The following JADE2 variants were observed in gnomAD, a reference collection of about 807,000 sequenced individuals.
JADE2 encodes jade family PHD finger 2.
A neutral mutation model predicts 85.7 loss-of-function variants in JADE2; 13 were observed. The observed-to-expected ratio is 0.15, with a 90% CI of 0.10 to 0.24. JADE2 has a LOEUF of 0.24. JADE2 is among the 10% of genes least tolerant of loss of function. The probability of loss-of-function intolerance (pLI) is 1.00; values close to 1 mark genes in which losing one functional copy is unlikely to be tolerated. For missense variants in JADE2, 846 were observed against 1,115.9 expected, an observed-to-expected ratio of 0.76 and a Z score of 3.45; for synonymous variants, 440 against 456.1, an observed-to-expected ratio of 0.96 and a Z score of 0.45.
At chr5:134,526,780 C>T in intron 1 of JADE2, 1 of 984,846 alleles carries the variant, frequency 1.0e-6, no homozygotes, top group African/African-American at 1.7e-5. Context: ...GGGTGCGGAG[C>T]CTCGGCGCCA....
intron 1 of JADE2, chr5:134,526,644 C>T (rs1760841364): frequency 1.0e-6 from 1 of 985,506 alleles, no homozygotes; most frequent in South Asian, 4.7e-5. Flanking sequence ...CGCCCCCTCT[C>T]CCGGCCCGGT....
chr5:134,573,912 T>A, intron 10 of JADE2, 150 bp downstream of exon 10: 1 of 731,348 alleles, frequency 1.4e-6, no homozygotes, highest in Non-Finnish European at 2.5e-6. Flanking sequence ...CACCATCCAA[T>A]TAGTAGGCCC....
intron 9 of JADE2, among the ~76,000 whole-genome samples, chr5:134,567,139 G>A (rs1763692932): frequency 6.6e-6 from 1 of 152,214 alleles, no homozygotes; most frequent in African/African-American, 2.4e-5. Flanking sequence ...CAGAACAGAG[G>A]CACGAAGGAG....
chr5:134,580,425 T>A lies in JADE2; in HGVS notation c.*1108T>A, dbSNP rs1431255705. The A allele has an allele frequency of 1.4e-5, 1 of 72,080 alleles. No homozygotes were observed. 4.5% of individuals were successfully genotyped at this position (72,080 alleles called of 1,614,324 possible). On this transcript the variant is annotated 3_prime_UTR_variant, in exon 12 of 12. Coordinates refer to ENST00000681547, the MANE Select transcript of JADE2 (RefSeq NM_001388185.1). ...TGAGCCTTAACCCCTCGCACAGCCA[T>A]CCCCCCCCCCGTCCTGCCATCCCCC...
rs765659477 is a variant in JADE2 at position 134,538,068 on chromosome 5, A to G, written c.138A>G (p.Glu46=). 8 of 1,614,008 alleles carry G rather than the reference A, an allele frequency of 5.0e-6. No homozygotes were observed. The highest frequency in any genetic ancestry group is 6.8e-6 in the Non-Finnish European group (8 of 1,179,876). Reference sequence around the variant, plus strand: ...AGTCGGGCTGGCCCCGACAGAACGAAAAGAAGCCCTCCGAGGTGGGTAGTG... The same window carrying G: ...AGTCGGGCTGGCCCCGACAGAACGAGAAGAAGCCCTCCGAGGTGGGTAGTG... The part of the protein sequence containing the change: ...STKSGWPRQN[E]KKPSEVFRTD... The change falls in exon 3 of 12, where the codon GAA becomes GAG. Residue 46 remains glutamate, a synonymous_variant. Transcript: ENST00000681547.
chr5:134,545,317 T>C (rs1272009020), intron 3 of JADE2, among the ~76,000 whole-genome samples: 1 of 152,216 alleles, frequency 6.6e-6, no homozygotes, highest in East Asian at 1.9e-4. Context: ...CTCTGGGACT[T>C]GTCTTGCAAA....
rs149662336 is a variant in JADE2, at chr5:134,568,280, G to C, written c.1434+1700G>C. Among the ~76,000 whole-genome samples, 3 of 152,348 alleles carry C rather than the reference G, an allele frequency of 2.0e-5. No individual in the cohort carries two copies. The East Asian group carries it at 5.8e-4, about 29-fold the overall frequency. On this transcript the variant is annotated intron_variant, in intron 9 of 11. Coordinates refer to ENST00000681547, the MANE Select transcript of JADE2 (RefSeq NM_001388185.1). Reference sequence around the variant, plus strand: ...GAGAGACGAATAACAGGAAGTCTTAGAGGAACTCCATTCCAAGGGTTTTGA... The same window carrying C: ...GAGAGACGAATAACAGGAAGTCTTACAGGAACTCCATTCCAAGGGTTTTGA...
chr5:134,572,017 G>T (rs1388416011), intron 9 of JADE2, among the ~76,000 whole-genome samples: 3 of 152,244 alleles, frequency 2.0e-5, no homozygotes, highest in African/African-American at 4.8e-5. Flanking sequence ...AGAAGAAAGG[G>T]GCCCCAGCGG....
chr5:134,578,571 G>C lies in JADE2; in HGVS notation c.1759G>C (p.Glu587Gln). 6.2e-7 allele frequency: 1 copy of C among 1,613,964 alleles called. No individual in the cohort carries two copies. ...GGCACAGTCGGTGCAGATCACAGCA[G>C]AGAACATGGCCATGAGCGAGTGGCC... ...WLAQSVQITAENMAMSEWPLN... is the reference protein window; with the variant it reads ...WLAQSVQITAQNMAMSEWPLN... Residue 587 changes from glutamate (E) to glutamine (Q), a missense_variant, in exon 12 of 12, where the codon GAG (glutamate) becomes CAG (glutamine). Glu to Gln is a conservative substitution (Grantham distance 29). Transcript: ENST00000681547. This position sits in a 1 kb window ranked among gnomAD's most constrained non-coding sequence, Gnocchi z 4.4.
rs1763637680 is a variant in JADE2, at chr5:134,566,299, G to A, written c.1153G>A (p.Glu385Lys). ...SEPTEPSQAGEDLEKVTLRKQ... is the reference protein window; with the variant it reads ...SEPTEPSQAGKDLEKVTLRKQ... The stretch of plus-strand genomic sequence containing the variant: ...GCCCACGGAACCCAGCCAGGCTGGC[G>A]AGGACCTGGAAAAGGTGACCCTGCG... The change falls in exon 9 of 12, where the codon GAG (glutamate) becomes AAG (lysine). Residue 385 changes from glutamate (E) to lysine (K), a missense_variant. Transcript: ENST00000681547. The surrounding 1 kb of genome is among the most constrained non-coding windows in gnomAD (Gnocchi z 6.7). 6.8e-6 allele frequency: 11 copies of A among 1,614,010 alleles called. No homozygotes were observed. The highest frequency in any genetic ancestry group is 9.3e-6 in the Non-Finnish European group (11 of 1,180,046).
Position 134,562,072 on chromosome 5 carries a change from A to T in JADE2, c.685-128A>T. Reference sequence around the variant, plus strand: ...TGCATTGTAACTCCTCAGAAGTTGTACGTGCCAGAGATGGGAGGCTGTGTA... The same window carrying T: ...TGCATTGTAACTCCTCAGAAGTTGTTCGTGCCAGAGATGGGAGGCTGTGTA... On this transcript the variant is annotated intron_variant, in intron 6 of 11. Coordinates refer to ENST00000681547, the MANE Select transcript of JADE2 (RefSeq NM_001388185.1). The surrounding 1 kb of genome is among the most constrained non-coding windows in gnomAD (Gnocchi z 4.6). 1.1e-6 allele frequency: 1 copy of T among 909,900 alleles called. No homozygotes were observed. The highest frequency in any genetic ancestry group is 1.6e-6 in the Non-Finnish European group (1 of 616,456). The allele number at this position is 909,900 out of a possible 1,614,324, so 56.4% of individuals were successfully genotyped here.
intron 10 of JADE2, 46 bp downstream of exon 10, chr5:134,573,808 C>A (rs1396868830): frequency 1.7e-6 from 2 of 1,185,834 alleles, no homozygotes; most frequent in Non-Finnish European, 2.5e-6. Flanking sequence ...TGTGCCCTCT[C>A]TTGCGGGGCT....
chr5:134,570,860 C>T (rs149630320), intron 9 of JADE2, among the ~76,000 whole-genome samples: 181 of 152,340 alleles, frequency 1.2e-3, no homozygotes, highest in Middle Eastern at 6.8e-3. Flanking sequence ...TTTTGCCCCA[C>T]GTGGGGGTGC....
At chr5:134,526,407 AGG>A (rs1760823001) in intron 1 of JADE2, 1 of 984,904 alleles carries the variant, frequency 1.0e-6, no homozygotes, top group Non-Finnish European at 1.2e-6. Context: ...GGCCGGGCGT[AGG>A]GGCTGCGGCG....
chr5:134,532,864 C>A (rs964849449), intron 1 of JADE2, among the ~76,000 whole-genome samples: 3 of 152,160 alleles, frequency 2.0e-5, no homozygotes, highest in African/African-American at 4.8e-5. Flanking sequence ...AGCAAGGAGG[C>A]CTTTGGAAGA....
At chr5:134,564,403 C>A (rs1388556094) in intron 7 of JADE2, 91 bp from the exon 8 acceptor site, 19 of 770,296 alleles carry the variant, frequency 2.5e-5, no homozygotes, top group Non-Finnish European at 3.9e-5. Flanking sequence ...CTGCCCACCA[C>A]CTAGTTTCAG....
At chr5:134,569,553 C>T (rs963158369) in intron 9 of JADE2, among the ~76,000 whole-genome samples, 8 of 152,172 alleles carry the variant, frequency 5.3e-5, no homozygotes, top group Admixed American at 2.6e-4. Context: ...GCTGGTGTCC[C>T]CTAGCAACCG....
At chr5:134,531,589 CTT>C (rs112525085) in intron 1 of JADE2, among the ~76,000 whole-genome samples, 1 of 146,998 alleles carries the variant, frequency 6.8e-6, no homozygotes, top group African/African-American at 2.5e-5. Context: ...TGATTTATAC[CTT>C]TTTTTTTTTG....
chr5:134,538,121 TGA>T, intron 3 of JADE2, 38 bp downstream of exon 3: 1 of 1,508,426 alleles, frequency 6.6e-7, no homozygotes, highest in Non-Finnish European at 9.2e-7. Flanking sequence ...CTGTGGGGAG[TGA>T]GAGTGAGCTG....
Sources: allele counts gnomAD v4.1 joint callset (sites outside exome capture counted in the v4.1 genomes callset), GRCh38; gene constraint gnomAD v4.1.1; non-coding constraint Gnocchi (gnomAD v3.1); transcripts MANE v1.5; gene names NCBI Gene and HGNC (gene_info 2026-07-23, HGNC 2026-07-21).